CRISPLD2: variants seen among roughly 807,000 people sequenced by gnomAD.
CRISPLD2 encodes the protein cysteine-rich secretory protein LCCL domain-containing 2.
Under a neutral mutation model 71.1 loss-of-function variants are expected in CRISPLD2, and 47 were observed. That is an observed-to-expected ratio of 0.66 (90% CI 0.52 to 0.84). CRISPLD2 has a LOEUF of 0.84. Among genes scored for constraint, CRISPLD2 ranks in the 40% least tolerant of loss-of-function variants. The probability of loss-of-function intolerance (pLI) is 0.00; values close to 1 mark genes in which losing one functional copy is unlikely to be tolerated. For synonymous variants in CRISPLD2, 317 were observed against 250.1 expected (o/e 1.27, Z -2.52); for missense variants, 830 against 651.1 (o/e 1.27, Z -2.99).
chr16:84,888,087 G>C (rs955284514), intron 13 of CRISPLD2, among the ~76,000 whole-genome samples: 4 of 152,220 alleles, frequency 2.6e-5, no homozygotes, highest in Non-Finnish European at 4.4e-5. Context: ...CTGGAAGCCA[G>C]AAGTCCAATG....
chr16:84,825,453 T>C (rs1398627374), intron 1 of CRISPLD2, among the ~76,000 whole-genome samples: 1 of 152,110 alleles, frequency 6.6e-6, no homozygotes, highest in African/African-American at 2.4e-5. Flanking sequence ...CCTCTCCATG[T>C]TTCTAAAATA....
intron 2 of CRISPLD2, among the ~76,000 whole-genome samples, chr16:84,845,093 T>A (rs993502102): frequency 6.6e-6 from 1 of 152,224 alleles, no homozygotes; most frequent in African/African-American, 2.4e-5. Flanking sequence ...CATAACTGCG[T>A]ACATGGAGAC....
intron 8 of CRISPLD2, among the ~76,000 whole-genome samples, chr16:84,871,870 GAA>G (rs56328159): frequency 2.3e-4 from 23 of 100,030 alleles, no homozygotes; most frequent in African/African-American, 7.3e-4. Flanking sequence ...TTTCAAATGA[GAA>G]AAAAAAAAAA....
At chr16:84,830,226 GTGGGAGGATCATTTGAGCC>G (rs1435487706) in intron 1 of CRISPLD2, among the ~76,000 whole-genome samples, 3 of 152,186 alleles carry the variant, frequency 2.0e-5, no homozygotes, top group Non-Finnish European at 4.4e-5. Flanking sequence ...GGAGGCTGAG[GTGGGAGGATCATTTGAGCC>G]TGGGAGGTTG....
intron 13 of CRISPLD2, among the ~76,000 whole-genome samples, chr16:84,887,704 G>C (rs999743434): frequency 2.0e-5 from 3 of 152,052 alleles, no homozygotes; most frequent in African/African-American, 7.2e-5. Context: ...TGGAGAAACC[G>C]TGTCTCTACT....
At chr16:84,825,694 T>G (rs1032616675) in intron 1 of CRISPLD2, among the ~76,000 whole-genome samples, 4 of 151,948 alleles carry the variant, frequency 2.6e-5, no homozygotes, top group Admixed American at 6.6e-5. Flanking sequence ...AGGCAGAGGC[T>G]GCAGTGAGCC....
intron 14 of CRISPLD2, among the ~76,000 whole-genome samples, chr16:84,904,350 C>T (rs527748275): frequency 5.8e-5 from 5 of 85,732 alleles, no homozygotes; most frequent in African/African-American, 1.6e-4. Flanking sequence ...TTTGGGAGGC[C>T]AAGGAGGGGA....
chr16:84,897,564 C>A (rs916443819), intron 14 of CRISPLD2, among the ~76,000 whole-genome samples: 1 of 152,196 alleles, frequency 6.6e-6, no homozygotes, highest in Non-Finnish European at 1.5e-5. Flanking sequence ...AGTGTATTTT[C>A]TTTCAGGTTT....
At chr16:84,848,940 C>T (rs1003056542) in intron 3 of CRISPLD2, among the ~76,000 whole-genome samples, 2 of 150,608 alleles carry the variant, frequency 1.3e-5, no homozygotes, top group Non-Finnish European at 3.0e-5. Flanking sequence ...GAGCCGAGAT[C>T]CCGCCACTGC....
intron 2 of CRISPLD2, among the ~76,000 whole-genome samples, chr16:84,843,443 C>T (rs1916829944): frequency 6.6e-6 from 1 of 152,220 alleles, no homozygotes; most frequent in East Asian, 1.9e-4. Flanking sequence ...AAGAGTTGAG[C>T]AGCCCGTTCT....
chr16:84,847,640 G>C (rs1007691815), intron 3 of CRISPLD2, among the ~76,000 whole-genome samples: 40 of 146,070 alleles, frequency 2.7e-4, no homozygotes, highest in African/African-American at 1.0e-3. Flanking sequence ...GACAGTGCAA[G>C]AATTCGTCTC....
chr16:84,833,325 C>T (rs986279765), intron 1 of CRISPLD2, among the ~76,000 whole-genome samples: 5 of 152,174 alleles, frequency 3.3e-5, no homozygotes, highest in East Asian at 3.8e-4. Context: ...CATGAGGTCT[C>T]GGAGCCGTTA....
chr16:84,853,972 A>G (rs1030679314), intron 5 of CRISPLD2, among the ~76,000 whole-genome samples: 1 of 152,218 alleles, frequency 6.6e-6, no homozygotes, highest in East Asian at 1.9e-4. Flanking sequence ...CACCACCTCT[A>G]CCTGGCCCCT....
intron 12 of CRISPLD2, 63 bp from the exon 13 acceptor site, chr16:84,880,446 C>A: frequency 2.3e-6 from 3 of 1,289,216 alleles, no homozygotes; most frequent in South Asian, 1.4e-5. Flanking sequence ...ATAAAGAGAG[C>A]CAGCTTAAGA....
At chr16:84,854,698 C>T (rs1381737484) in intron 5 of CRISPLD2, 31 bp from the exon 6 acceptor site, 4 of 1,566,518 alleles carry the variant, frequency 2.6e-6, no homozygotes, top group Admixed American at 1.7e-5. Flanking sequence ...TCGTGGTTCC[C>T]TCTGACGGTT....
At chr16:84,893,324 C>T (rs928954603) in intron 14 of CRISPLD2, among the ~76,000 whole-genome samples, 1 of 152,222 alleles carries the variant, frequency 6.6e-6, no homozygotes, top group Non-Finnish European at 1.5e-5. Flanking sequence ...GTTGCCACAA[C>T]TTCAAAAGAT....
rs1311005488 is a variant in CRISPLD2 at position 84,907,910 on chromosome 16, G to A, written c.*1268G>A. 6.6e-6 allele frequency: 1 copy of A among 152,206 alleles called. No individual in the cohort carries two copies. The allele number at this position is 152,206 out of a possible 1,614,324, so 9.4% of individuals were successfully genotyped here. On this transcript the variant is annotated 3_prime_UTR_variant, in exon 15 of 15. Coordinates refer to ENST00000262424, the MANE Select transcript of CRISPLD2 (RefSeq NM_031476.4). ...TCTATAAAAGTGCTTCATGAGCCCA[G>A]ACCAAAAGCCCACAGTGAAATGAAG...
intron 14 of CRISPLD2, among the ~76,000 whole-genome samples, chr16:84,900,221 A>T (rs2071741352): frequency 1.3e-5 from 2 of 152,114 alleles, no homozygotes; most frequent in South Asian, 2.1e-4. Context: ...ATTCCAGGGT[A>T]GCCAAAAGTG....
intron 14 of CRISPLD2, among the ~76,000 whole-genome samples, chr16:84,905,228 C>T (rs2071790625): frequency 6.6e-6 from 1 of 152,196 alleles, no homozygotes; most frequent in African/African-American, 2.4e-5. Context: ...GATCATGCCA[C>T]TGCACTCTGG....
Sources: gnomAD v4.1 joint callset for allele counts (sites outside exome capture counted in the v4.1 genomes callset) on GRCh38, gnomAD v4.1.1 for gene constraint, MANE v1.5 for transcripts, NCBI Gene and HGNC (gene_info 2026-07-23, HGNC 2026-07-21) for gene names.